Variants in FAM107B observed in about 807,000 individuals in gnomAD.
The protein encoded by FAM107B is family with sequence similarity 107 member B.
Under a neutral mutation model 31.5 loss-of-function variants are expected in FAM107B, and 21 were observed. The ratio of observed to expected loss-of-function variants is 0.67; its 90% CI spans 0.47 to 0.96. The LOEUF (loss-of-function observed/expected upper bound fraction) is 0.96. FAM107B is among the 40% of genes least tolerant of loss of function. FAM107B has a pLI of 0.00. For synonymous variants in FAM107B, 157 were observed against 141.5 expected, an observed-to-expected ratio of 1.11 and a Z score of -0.78; for missense variants, 452 against 377.1, an observed-to-expected ratio of 1.20 and a Z score of -1.64.
At chr10:14,671,900 A>C (rs1456513969) in intron 1 of FAM107B, among the ~76,000 whole-genome samples, 2 of 150,364 alleles carry the variant, frequency 1.3e-5, no homozygotes, top group Admixed American at 6.6e-5. Flanking sequence ...AAACAAAAAA[A>C]AAACCCTCTA....
intron 1 of FAM107B, among the ~76,000 whole-genome samples, chr10:14,772,977 C>T (rs1833341629): frequency 6.6e-6 from 1 of 152,158 alleles, no homozygotes; most frequent in Admixed American, 6.5e-5. Flanking sequence ...CCATAAATAT[C>T]CAACAAATAT....
chr10:14,625,274 G>A (rs1490917516), intron 2 of FAM107B, among the ~76,000 whole-genome samples: 7 of 150,530 alleles, frequency 4.7e-5, no homozygotes, highest in Admixed American at 3.3e-4. Context: ...GTGTGTGTGT[G>A]TGTGTATGTG....
chr10:14,600,508 C>T (rs1421551199), intron 2 of FAM107B, among the ~76,000 whole-genome samples: 1 of 149,312 alleles, frequency 6.7e-6, no homozygotes, highest in Non-Finnish European at 1.5e-5. Context: ...AGAAACCCAA[C>T]CCCCACCTTC....
At chr10:14,660,798 C>T (rs1193893658) in intron 2 of FAM107B, among the ~76,000 whole-genome samples, 1 of 152,082 alleles carries the variant, frequency 6.6e-6, no homozygotes, top group Non-Finnish European at 1.5e-5. Context: ...AAAGGCAGAG[C>T]AACCCATAGA....
Position 14,774,364 on chromosome 10 carries a change from C to T in FAM107B, c.300G>A (p.Gln100=), listed in dbSNP as rs569598413. The change falls in exon 1 of 5, where the codon CAG becomes CAA. Residue 100 remains glutamine, a synonymous_variant. Coordinates refer to ENST00000181796, the MANE Select transcript of FAM107B (RefSeq NM_031453.4). The part of the protein sequence containing the change: ...NRNSSHRTAA[Q]PAETPEDVPG... The stretch of plus-strand genomic sequence containing the variant: ...GCACATCTTCAGGCGTCTCCGCGGG[C>T]TGGGCCGCAGTGCGGTGACTTGAAT... 26 of 1,614,226 alleles carry T rather than the reference C, an allele frequency of 1.6e-5. No homozygotes were observed. The South Asian group carries it at 2.3e-4, about 14-fold the overall frequency.
intron 2 of FAM107B, among the ~76,000 whole-genome samples, chr10:14,563,590 G>C (rs747411863): frequency 3.9e-5 from 6 of 152,206 alleles, no homozygotes; most frequent in Non-Finnish European, 5.9e-5. Flanking sequence ...AACAGAGTAG[G>C]AAAGATCATT....
intron 2 of FAM107B, among the ~76,000 whole-genome samples, chr10:14,580,398 G>C (rs997344187): frequency 6.6e-6 from 1 of 151,528 alleles, no homozygotes; most frequent in Non-Finnish European, 1.5e-5. Context: ...CCCTACAAAA[G>C]AAACAGCAAG....
At chr10:14,629,404 T>TAAC (rs1588669179) in intron 2 of FAM107B, among the ~76,000 whole-genome samples, 2 of 3,874 alleles carry the variant, frequency 5.2e-4, no homozygotes, top group South Asian at 0.019. Flanking sequence ...ATATATTATA[T>TAAC]ATTTAATATA....
chr10:14,738,638 C>T (rs147379676), intron 1 of FAM107B, among the ~76,000 whole-genome samples: 15 of 152,264 alleles, frequency 9.9e-5, no homozygotes, highest in African/African-American at 3.4e-4. Context: ...AAAATGAGGT[C>T]AACAGCACCT....
chr10:14,540,130 G>A (rs988589618), intron 2 of FAM107B, among the ~76,000 whole-genome samples: 1 of 152,170 alleles, frequency 6.6e-6, no homozygotes, highest in Admixed American at 6.5e-5. Context: ...AACCAAAGAG[G>A]TGCATTTGAG....
chr10:14,533,427 T>C (rs1847248758), intron 2 of FAM107B, among the ~76,000 whole-genome samples: 2 of 152,130 alleles, frequency 1.3e-5, no homozygotes, highest in African/African-American at 2.4e-5. Flanking sequence ...CAAGTGGATC[T>C]AGGACGTGTC....
chr10:14,643,358 C>T (rs2131435257), intron 2 of FAM107B, among the ~76,000 whole-genome samples: 1 of 151,814 alleles, frequency 6.6e-6, no homozygotes, highest in African/African-American at 2.4e-5. Context: ...TCTTACTTAG[C>T]CTTTTTGCTT....
intron 2 of FAM107B, among the ~76,000 whole-genome samples, chr10:14,551,267 C>G (rs966780339): frequency 1.3e-5 from 2 of 152,156 alleles, no homozygotes; most frequent in African/African-American, 4.8e-5. Context: ...CCTGCCTCAG[C>G]CTCCTGAGTA....
At chr10:14,688,922 G>C (rs980120155) in intron 1 of FAM107B, among the ~76,000 whole-genome samples, 1 of 152,230 alleles carries the variant, frequency 6.6e-6, no homozygotes, top group East Asian at 1.9e-4. Flanking sequence ...TTTGGGACAA[G>C]GGGTCGATTC....
In FAM107B at chr10:14,520,550, G is replaced by A. The variant is rs1845530963; in HGVS notation, c.*640C>T. 1 of 152,190 alleles carries A rather than the reference G, an allele frequency of 6.6e-6. No homozygotes were observed. The highest frequency in any genetic ancestry group is 2.1e-4 in the South Asian group (1 of 4,830). The allele number at this position is 152,190 out of a possible 1,614,324, so 9.4% of individuals were successfully genotyped here. On this transcript the variant is annotated 3_prime_UTR_variant, in exon 5 of 5. Coordinates refer to ENST00000181796, the MANE Select transcript of FAM107B (RefSeq NM_031453.4). ...GCTATTATTACACAGAGAACCAAAA[G>A]GAATGAAAATAAAATCAAGATGGGC...
intron 1 of FAM107B, among the ~76,000 whole-genome samples, chr10:14,740,260 G>T (rs759609503): frequency 6.6e-6 from 1 of 152,072 alleles, no homozygotes; most frequent in African/African-American, 2.4e-5. Flanking sequence ...CCAGACAATG[G>T]CCCATTATTC....
chr10:14,685,311 G>A (rs910790104), intron 1 of FAM107B, among the ~76,000 whole-genome samples: 15 of 151,460 alleles, frequency 9.9e-5, no homozygotes, highest in African/African-American at 2.4e-4. Context: ...ACCATGACCC[G>A]CTAATTTTTA....
intron 1 of FAM107B, among the ~76,000 whole-genome samples, chr10:14,718,990 C>G (rs1002798125): frequency 7.2e-5 from 11 of 152,154 alleles, no homozygotes; most frequent in Non-Finnish European, 1.2e-4. Context: ...GATGATAGGA[C>G]AGTCCTGAGA....
At chr10:14,539,284 G>C (rs984626958) in intron 2 of FAM107B, among the ~76,000 whole-genome samples, 2 of 152,194 alleles carry the variant, frequency 1.3e-5, no homozygotes, top group African/African-American at 4.8e-5. Flanking sequence ...TGCCAAAGTT[G>C]GGTACCCAAG....
Sources: allele counts gnomAD v4.1 joint callset (sites outside exome capture counted in the v4.1 genomes callset), GRCh38; gene constraint gnomAD v4.1.1; transcripts MANE v1.5; gene names NCBI Gene and HGNC (gene_info 2026-07-23, HGNC 2026-07-21).